NAALADL2: variants seen among roughly 807,000 people sequenced by gnomAD.
The protein encoded by NAALADL2 is inactive N-acetylated-alpha-linked acidic dipeptidase-like protein 2.
A neutral mutation model predicts 87.2 loss-of-function variants in NAALADL2; 76 were observed. The ratio of observed to expected loss-of-function variants is 0.87; its 90% CI spans 0.72 to 1.05. The LOEUF (loss-of-function observed/expected upper bound fraction) is 1.05. Among genes scored for constraint, NAALADL2 ranks in the 50% least tolerant of loss-of-function variants. The pLI is 0.00. For synonymous variants in NAALADL2, 354 were observed against 331.0 expected, an observed-to-expected ratio of 1.07 and a Z score of -0.75; for missense variants, 1,089 against 945.8, an observed-to-expected ratio of 1.15 and a Z score of -1.99.
intron 1 of NAALADL2, among the ~76,000 whole-genome samples, chr3:174,480,755 AG>A (rs1480335074): frequency 6.6e-6 from 1 of 152,108 alleles, no homozygotes; most frequent in African/African-American, 2.4e-5. Flanking sequence ...GAATTTTTAT[AG>A]TGGGGCTTTA....
chr3:175,480,351 C>T (rs1726275601), intron 9 of NAALADL2, among the ~76,000 whole-genome samples: 1 of 151,742 alleles, frequency 6.6e-6, no homozygotes, highest in Non-Finnish European at 1.5e-5. Flanking sequence ...TTGTTGTAGA[C>T]ATATATCAAT....
At chr3:174,448,646 C>T (rs1165179348) in intron 1 of NAALADL2, among the ~76,000 whole-genome samples, 3 of 152,120 alleles carry the variant, frequency 2.0e-5, no homozygotes, top group African/African-American at 7.2e-5. Flanking sequence ...AGGCTTTAAT[C>T]AGGTGCTGCA....
intron 13 of NAALADL2, among the ~76,000 whole-genome samples, chr3:175,775,383 GTAA>G (rs1186535400): frequency 5.3e-5 from 8 of 151,946 alleles, no homozygotes; most frequent in Non-Finnish European, 1.0e-4. Flanking sequence ...GAAATTACTT[GTAA>G]TAATAGTAGT....
At chr3:175,793,785 C>T (rs1282175895) in intron 13 of NAALADL2, among the ~76,000 whole-genome samples, 2 of 152,126 alleles carry the variant, frequency 1.3e-5, no homozygotes, top group Non-Finnish European at 2.9e-5. Flanking sequence ...CCAACCTAGA[C>T]TGTAAACTTC....
At chr3:174,538,506 C>T (rs558398786) in intron 1 of NAALADL2, among the ~76,000 whole-genome samples, 2 of 152,204 alleles carry the variant, frequency 1.3e-5, no homozygotes, top group South Asian at 4.1e-4. Flanking sequence ...ATTTACTTGA[C>T]ATATTTTGAA....
At chr3:175,213,879 C>G (rs190699006) in intron 2 of NAALADL2, among the ~76,000 whole-genome samples, 2 of 152,216 alleles carry the variant, frequency 1.3e-5, no homozygotes, top group African/African-American at 2.4e-5. Context: ...AGCATTTCCC[C>G]TTCTCATATG....
At chr3:174,682,195 GGAAA>G (rs984982166) in intron 2 of NAALADL2, among the ~76,000 whole-genome samples, 55 of 152,292 alleles carry the variant, frequency 3.6e-4, no homozygotes, top group African/African-American at 1.2e-3. Context: ...GAAAAGTGTG[GGAAA>G]GACTTTGTCT....
chr3:175,732,325 C>A (rs73171450), intron 11 of NAALADL2, among the ~76,000 whole-genome samples: 8 of 151,958 alleles, frequency 5.3e-5, no homozygotes, highest in African/African-American at 1.9e-4. Flanking sequence ...ATTTATGTAC[C>A]CTTTTCTGTA....
At chr3:175,607,483 A>T (rs532354570) in intron 10 of NAALADL2, among the ~76,000 whole-genome samples, 3 of 152,282 alleles carry the variant, frequency 2.0e-5, no homozygotes, top group Admixed American at 2.0e-4. Flanking sequence ...TTACATATAC[A>T]CCATAAATAA....
At chr3:174,916,432 A>G (rs1431623142) in intron 1 of NAALADL2, among the ~76,000 whole-genome samples, 1 of 152,148 alleles carries the variant, frequency 6.6e-6, no homozygotes, top group Non-Finnish European at 1.5e-5. Context: ...TTATAGCAGC[A>G]CAATTCACAA....
At chr3:174,792,657 C>G (rs907550304) in intron 3 of NAALADL2, among the ~76,000 whole-genome samples, 3 of 152,124 alleles carry the variant, frequency 2.0e-5, no homozygotes, top group Non-Finnish European at 4.4e-5. Flanking sequence ...GACAGTATAA[C>G]CCCTGCTCAA....
intron 2 of NAALADL2, among the ~76,000 whole-genome samples, chr3:175,193,550 C>A (rs1243027446): frequency 1.3e-5 from 2 of 151,820 alleles, no homozygotes; most frequent in Non-Finnish European, 2.9e-5. Flanking sequence ...TAAGAAATAA[C>A]TTCACCTTTT....
intron 5 of NAALADL2, among the ~76,000 whole-genome samples, chr3:175,368,775 C>T (rs1437197929): frequency 6.6e-6 from 1 of 152,112 alleles, no homozygotes; most frequent in Non-Finnish European, 1.5e-5. Context: ...TAGCTTATTA[C>T]TTCTAAGCTA....
chr3:174,738,905 A>T (rs1361265632), intron 3 of NAALADL2, among the ~76,000 whole-genome samples: 1 of 152,196 alleles, frequency 6.6e-6, no homozygotes, highest in African/African-American at 2.4e-5. Context: ...CATCAGTTTA[A>T]TCTTTTTTCT....
At chr3:175,447,457 G>T in intron 6 of NAALADL2, 85 bp downstream of exon 6, 1 of 855,746 alleles carries the variant, frequency 1.2e-6, no homozygotes, top group Admixed American at 3.9e-5. Context: ...GATGTATGTA[G>T]GATTATTCTT....
intron 1 of NAALADL2, among the ~76,000 whole-genome samples, chr3:174,983,440 A>C (rs7625836): frequency 0.11 from 16,471 of 152,190 alleles, 2,165 homozygotes; most frequent in African/African-American, 0.31. Context: ...CTTAGTCCCA[A>C]TGGGCTGCTA....
intron 2 of NAALADL2, among the ~76,000 whole-genome samples, chr3:174,718,338 A>C (rs1731401150): frequency 6.6e-6 from 1 of 152,206 alleles, no homozygotes; most frequent in Admixed American, 6.5e-5. Context: ...CAAGTAAAGT[A>C]TTTGAGATTA....
chr3:175,761,533 G>A (rs1020619051), intron 13 of NAALADL2, among the ~76,000 whole-genome samples: 1 of 150,712 alleles, frequency 6.6e-6, no homozygotes, highest in African/African-American at 2.5e-5. Context: ...TGCAATTGCT[G>A]GATAATGTAG....
In NAALADL2 at chr3:175,042,389, T is replaced by C. The variant is rs553220211; in HGVS notation, c.44-54401T>C. Reference sequence around the variant, plus strand: ...GTTTCCATATTTTGACTATTGTGAATAGTGGTACAATAAATATGAAAGTAA... The same window carrying C: ...GTTTCCATATTTTGACTATTGTGAACAGTGGTACAATAAATATGAAAGTAA... On this transcript the variant is annotated intron_variant, in intron 1 of 13. Transcript: ENST00000454872. Among the ~76,000 whole-genome samples, 4 of 152,330 alleles carry C rather than the reference T, an allele frequency of 2.6e-5. No homozygotes were observed. In the South Asian group the frequency reaches 8.3e-4, roughly 32 times the overall value.
Sources: gnomAD v4.1 joint callset for allele counts (sites outside exome capture counted in the v4.1 genomes callset) on GRCh38, gnomAD v4.1.1 for gene constraint, MANE v1.5 for transcripts, NCBI Gene and HGNC (gene_info 2026-07-23, HGNC 2026-07-21) for gene names.